The following ADGRL3 variants were observed in gnomAD, a reference collection of about 807,000 sequenced individuals.
ADGRL3 encodes the protein calcium-independent alpha-latrotoxin receptor 3.
In ADGRL3, 62 loss-of-function variants were observed where a neutral mutation model predicts 153.5. The ratio of observed to expected loss-of-function variants is 0.40; its 90% CI spans 0.33 to 0.50. The LOEUF (loss-of-function observed/expected upper bound fraction) is 0.50. Ranked by LOEUF, ADGRL3 falls within the 20% of genes least tolerant of loss-of-function variation. The probability of loss-of-function intolerance (pLI) is 0.47; values close to 1 mark genes in which losing one functional copy is unlikely to be tolerated. For missense variants in ADGRL3, 1,641 were observed against 1,859.4 expected (o/e 0.88, Z 2.16); for synonymous variants, 710 against 672.5 (o/e 1.06, Z -0.86).
At chr4:61,981,418 T>TG in intron 18 of ADGRL3, among the ~76,000 whole-genome samples, 1 of 50,558 alleles carries the variant, frequency 2.0e-5, no homozygotes, top group African/African-American at 6.3e-5. Flanking sequence ...TCTTCCCAAA[T>TG]TTATTTGGCA....
chr4:61,392,684 C>CAAAAAAAAAA (rs397993633), intron 2 of ADGRL3, among the ~76,000 whole-genome samples: 4,773 of 13,312 alleles, frequency 0.36, 1,909 homozygotes, highest in Non-Finnish European at 0.61. Context: ...GACTCCATCT[C>CAAAAAAAAAA]AAAAAAAAAA....
intron 1 of ADGRL3, among the ~76,000 whole-genome samples, chr4:61,299,004 T>A (rs2094498305): frequency 6.6e-6 from 1 of 152,220 alleles, no homozygotes; most frequent in Admixed American, 6.5e-5. Flanking sequence ...TGCAAGATTC[T>A]ACTTTTGCAA....
intron 13 of ADGRL3, 74 bp downstream of exon 13, chr4:61,912,831 T>G: frequency 7.5e-7 from 1 of 1,334,542 alleles, no homozygotes; most frequent in Non-Finnish European, 1.1e-6. Context: ...GGACACCTGA[T>G]AGAAAAATGA....
intron 1 of ADGRL3, among the ~76,000 whole-genome samples, chr4:61,354,143 C>T (rs907853931): frequency 6.6e-6 from 1 of 152,132 alleles, no homozygotes; most frequent in Non-Finnish European, 1.5e-5. Flanking sequence ...CACAACACCC[C>T]TATTAAATAG....
chr4:61,350,212 A>G (rs2096012541), intron 1 of ADGRL3, among the ~76,000 whole-genome samples: 1 of 152,164 alleles, frequency 6.6e-6, no homozygotes, highest in Admixed American at 6.5e-5. Context: ...CATATATCTA[A>G]TATTTTCAGT....
chr4:61,936,781 T>TACACACACAC (rs71666904), intron 15 of ADGRL3, among the ~76,000 whole-genome samples: 27,993 of 138,554 alleles, frequency 0.2, 3,061 homozygotes, highest in East Asian at 0.28. Flanking sequence ...TACATATGCA[T>TACACACACAC]ACACACACAC....
At chr4:61,682,286 T>A (rs996644192) in intron 6 of ADGRL3, among the ~76,000 whole-genome samples, 3 of 151,962 alleles carry the variant, frequency 2.0e-5, no homozygotes, top group Non-Finnish European at 4.4e-5. Flanking sequence ...TTTAGAATTA[T>A]ATTTATAACA....
intron 25 of ADGRL3, among the ~76,000 whole-genome samples, chr4:62,054,730 A>C (rs1178323909): frequency 2.0e-5 from 3 of 151,656 alleles, no homozygotes; most frequent in Non-Finnish European, 4.4e-5. Context: ...TATAAAAAAC[A>C]AAATGCTAGT....
chr4:61,937,663 CTTAT>C (rs138691364), intron 15 of ADGRL3, among the ~76,000 whole-genome samples: 1,790 of 152,140 alleles, frequency 0.012, 43 homozygotes, highest in African/African-American at 0.041. Flanking sequence ...AATCTTCCTG[CTTAT>C]TGCCTAGTCT....
At chr4:61,522,877 T>A (rs766394722) in intron 4 of ADGRL3, among the ~76,000 whole-genome samples, 18 of 152,072 alleles carry the variant, frequency 1.2e-4, no homozygotes, top group Non-Finnish European at 2.2e-4. Context: ...CTTTGGCAAA[T>A]ATTATCTTTG....
chr4:61,328,365 C>T (rs547170139), intron 1 of ADGRL3, among the ~76,000 whole-genome samples: 1 of 152,268 alleles, frequency 6.6e-6, no homozygotes, highest in South Asian at 2.1e-4. Flanking sequence ...ACTAGTGATG[C>T]TTTCCCAGTG....
chr4:61,713,742 T>C (rs1438126686), intron 6 of ADGRL3, among the ~76,000 whole-genome samples: 7 of 152,136 alleles, frequency 4.6e-5, no homozygotes, highest in African/African-American at 1.4e-4. Context: ...ATGTAGAAAG[T>C]ATTTTATTTA....
chr4:61,736,762 A>C (rs982656245), intron 8 of ADGRL3, among the ~76,000 whole-genome samples: 1 of 152,206 alleles, frequency 6.6e-6, no homozygotes, highest in Non-Finnish European at 1.5e-5. Flanking sequence ...CAGGAGATTG[A>C]ATTTCATTCC....
At chr4:61,434,607 T>TA (rs1344203111) in intron 2 of ADGRL3, among the ~76,000 whole-genome samples, 1 of 125,630 alleles carries the variant, frequency 8.0e-6, no homozygotes, top group East Asian at 3.9e-4. Flanking sequence ...GCTTAATGAT[T>TA]ACTCCGAATC....
At chr4:61,324,167 C>T (rs183039411) in intron 1 of ADGRL3, among the ~76,000 whole-genome samples, 7 of 152,252 alleles carry the variant, frequency 4.6e-5, no homozygotes, top group Admixed American at 3.3e-4. Context: ...GTTCCTCTCA[C>T]AACACTTGGG....
At chr4:61,570,992 TG>T (rs146931618) in intron 4 of ADGRL3, among the ~76,000 whole-genome samples, 29,277 of 151,924 alleles carry the variant, frequency 0.19, 2,958 homozygotes, top group Non-Finnish European at 0.21. Context: ...TCAGGATTAA[TG>T]GGGGGTTGCT....
At position 61,787,106 on chromosome 4, in the gene ADGRL3, C is replaced by T. The variant is rs578234564; in HGVS notation, c.1400-26703C>T. Among the ~76,000 whole-genome samples, 14 of 151,954 alleles carry T rather than the reference C, an allele frequency of 9.2e-5. No individual in the cohort carries two copies. In the South Asian group the frequency reaches 1.5e-3, roughly 16 times the overall value. On this transcript the variant is annotated intron_variant, in intron 8 of 26. Transcript: ENST00000683033. ...TACCTTGAGAGGTTGCTAGAAGCAA[C>T]GGGAAAAGATAAAAGGATTCCTCTT...
chr4:61,333,264 T>C (rs2095609873), intron 1 of ADGRL3, among the ~76,000 whole-genome samples: 1 of 152,170 alleles, frequency 6.6e-6, no homozygotes, highest in Non-Finnish European at 1.5e-5. Context: ...AGCTATATTA[T>C]ATAAGGTCTT....
At chr4:61,334,311 A>G (rs1323434521) in intron 1 of ADGRL3, among the ~76,000 whole-genome samples, 2 of 152,200 alleles carry the variant, frequency 1.3e-5, no homozygotes, top group Non-Finnish European at 2.9e-5. Context: ...GGCATTTGAT[A>G]AGAGGATCTA....
Sources: allele counts gnomAD v4.1 joint callset (sites outside exome capture counted in the v4.1 genomes callset), GRCh38; gene constraint gnomAD v4.1.1; transcripts MANE v1.5; gene names NCBI Gene and HGNC (gene_info 2026-07-23, HGNC 2026-07-21).